DLC1: variants seen among roughly 807,000 people sequenced by gnomAD.
DLC1 encodes DLC1 Rho GTPase activating protein.
A neutral mutation model predicts 140.3 loss-of-function variants in DLC1; 54 were observed. The observed-to-expected ratio is 0.38, with a 90% CI of 0.31 to 0.48. The LOEUF (loss-of-function observed/expected upper bound fraction) is 0.48. DLC1 is among the 20% of genes least tolerant of loss of function. DLC1 has a pLI of 0.96. For synonymous variants in DLC1, 986 were observed against 728.1 expected, an observed-to-expected ratio of 1.35 and a Z score of -5.70; for missense variants, 2,536 against 1,907.0, an observed-to-expected ratio of 1.33 and a Z score of -6.14.
At chr8:13,094,527 G>A (rs1338689114) in intron 12 of DLC1, among the ~76,000 whole-genome samples, 3 of 152,112 alleles carry the variant, frequency 2.0e-5, no homozygotes, top group African/African-American at 7.2e-5. Context: ...TTAGCCAGAC[G>A]TGGTGGCGCC....
intron 5 of DLC1, among the ~76,000 whole-genome samples, chr8:13,244,047 C>G (rs1829653571): frequency 6.6e-6 from 1 of 152,182 alleles, no homozygotes; most frequent in African/African-American, 2.4e-5. Flanking sequence ...AGGTAGGAAC[C>G]TGGTGTGAAG....
chr8:13,189,436 C>A (rs1826615151), intron 5 of DLC1, among the ~76,000 whole-genome samples: 1 of 151,414 alleles, frequency 6.6e-6, no homozygotes, highest in Non-Finnish European at 1.5e-5. Context: ...TCTGATCATG[C>A]CATTGCACTC....
chr8:13,114,707 G>A (rs1820399484), intron 6 of DLC1, among the ~76,000 whole-genome samples: 1 of 152,200 alleles, frequency 6.6e-6, no homozygotes, highest in South Asian at 2.1e-4. Flanking sequence ...AAATCATTAA[G>A]AGAAGCATAA....
intron 5 of DLC1, among the ~76,000 whole-genome samples, chr8:13,297,524 A>C (rs1832011179): frequency 1.3e-5 from 2 of 152,078 alleles, no homozygotes; most frequent in Admixed American, 6.6e-5. Flanking sequence ...TGGGAATGTC[A>C]TGCAAATAGA....
At chr8:13,540,264 C>T (rs1440872694) in intron 1 of DLC1, among the ~76,000 whole-genome samples, 1 of 152,058 alleles carries the variant, frequency 6.6e-6, no homozygotes, top group African/African-American at 2.4e-5. Flanking sequence ...TCATTATGAT[C>T]ATTTCCATGG....
intron 5 of DLC1, among the ~76,000 whole-genome samples, chr8:13,157,959 C>A (rs867000802): frequency 6.6e-6 from 1 of 152,210 alleles, no homozygotes; most frequent in Middle Eastern, 3.2e-3. Context: ...TAGTAGAATT[C>A]TTTGAAGTAG....
chr8:13,552,176 G>C (rs1362275749), intron 1 of DLC1, among the ~76,000 whole-genome samples: 2 of 104,426 alleles, frequency 1.9e-5, no homozygotes, highest in African/African-American at 7.1e-5. Context: ...TCTGTCTAGA[G>C]GTGTATATAT....
chr8:13,301,367 C>T (rs987331610), intron 5 of DLC1, among the ~76,000 whole-genome samples: 2 of 152,114 alleles, frequency 1.3e-5, no homozygotes, highest in African/African-American at 2.4e-5. Flanking sequence ...GCTGTTAGTA[C>T]CACGAGGAAG....
chr8:13,160,346 A>C (rs1824595284), intron 5 of DLC1: 2 of 152,256 alleles, frequency 1.3e-5, no homozygotes, highest in Non-Finnish European at 2.9e-5. Flanking sequence ...AGCCATAAAC[A>C]TTTGAGTCAT....
At chr8:13,400,164 T>A (rs1020983251) in intron 3 of DLC1, among the ~76,000 whole-genome samples, 1 of 152,066 alleles carries the variant, frequency 6.6e-6, no homozygotes, top group Non-Finnish European at 1.5e-5. Flanking sequence ...AAAAAGGAGT[T>A]TTGAGGGCTT....
At chr8:13,152,733 C>A (rs1235949911) in intron 5 of DLC1, among the ~76,000 whole-genome samples, 1 of 140,426 alleles carries the variant, frequency 7.1e-6, no homozygotes, top group African/African-American at 2.6e-5. Context: ...GGAACAGCAC[C>A]AGAGTCTGGG....
At chr8:13,327,868 G>A (rs1360555199) in intron 4 of DLC1, among the ~76,000 whole-genome samples, 3 of 152,178 alleles carry the variant, frequency 2.0e-5, no homozygotes, top group Admixed American at 6.5e-5. Context: ...AAAGTTCAGA[G>A]AGGGTAACTT....
rs968261172 is a variant in DLC1, at chr8:13,252,328, A to G, written c.1348+52941T>C. Among the ~76,000 whole-genome samples, 5 of 152,334 alleles carry G rather than the reference A, an allele frequency of 3.3e-5. No homozygotes were observed. The East Asian group carries it at 5.8e-4, about 18-fold the overall frequency. Reference sequence around the variant, plus strand: ...GTATGTAAAATGAGCAGCATTAGATATAACTGCGACAAAGGGCCACTCACG... The same window carrying G: ...GTATGTAAAATGAGCAGCATTAGATGTAACTGCGACAAAGGGCCACTCACG... On this transcript the variant is annotated intron_variant, in intron 5 of 17. Coordinates refer to ENST00000276297, the MANE Select transcript of DLC1 (RefSeq NM_182643.3).
intron 5 of DLC1, among the ~76,000 whole-genome samples, chr8:13,273,824 G>A (rs1027555245): frequency 6.6e-6 from 1 of 151,608 alleles, no homozygotes; most frequent in African/African-American, 2.4e-5. Context: ...AACTTAAAAT[G>A]TTATCCCACG....
rs115584052 is a variant in DLC1 at position 13,428,263 on chromosome 8, T to G, written c.1024-26644A>C. Among the ~76,000 whole-genome samples the G allele has an allele frequency of 5.8e-3, 884 of 152,164 alleles. 11 individuals are homozygous for G. The highest frequency in any genetic ancestry group is 0.02 in the African/African-American group (847 of 41,464). ...CTGTGTGCCCTGATACAATCATAAA[T>G]TCATTTCAAGCATACATGTGGGTTT... On this transcript the variant is annotated intron_variant, in intron 2 of 17. Coordinates refer to ENST00000276297, the MANE Select transcript of DLC1 (RefSeq NM_182643.3).
At chr8:13,579,039 A>G (rs1221168274) in intron 1 of DLC1, among the ~76,000 whole-genome samples, 1 of 151,542 alleles carries the variant, frequency 6.6e-6, no homozygotes, top group African/African-American at 2.4e-5. Flanking sequence ...CAATCACTGC[A>G]CTAGAACAAA....
At chr8:13,506,862 C>T (rs1327886579) in intron 1 of DLC1, among the ~76,000 whole-genome samples, 4 of 151,962 alleles carry the variant, frequency 2.6e-5, no homozygotes, top group South Asian at 2.1e-4. Context: ...TTTGTTGCTA[C>T]GTGGTGAGGG....
At chr8:13,212,271 C>G (rs938262808) in intron 5 of DLC1, among the ~76,000 whole-genome samples, 1 of 152,080 alleles carries the variant, frequency 6.6e-6, no homozygotes, top group Non-Finnish European at 1.5e-5. Flanking sequence ...TCCCTCTGCC[C>G]TGTCTATATT....
rs376775930 is a variant in DLC1, at chr8:13,411,440, C to G, written c.1024-9821G>C. ...ATAGAGGAGTTTTAGGGCAGTGAAA[C>G]TATTCTGAATGATTATATATTATTA... On this transcript the variant is annotated intron_variant, in intron 2 of 17. Transcript: ENST00000276297. 1.3e-4 allele frequency among the ~76,000 whole-genome samples: 20 copies of G among 152,230 alleles called. No homozygotes were observed. In the East Asian group the frequency reaches 2.5e-3, roughly 19 times the overall value.
Sources: gnomAD v4.1 joint callset for allele counts (sites outside exome capture counted in the v4.1 genomes callset) on GRCh38, gnomAD v4.1.1 for gene constraint, MANE v1.5 for transcripts, NCBI Gene and HGNC (gene_info 2026-07-23, HGNC 2026-07-21) for gene names.